The following ADAMTS20 variants were observed in gnomAD, a reference collection of about 807,000 sequenced individuals.
ADAMTS20 encodes A disintegrin and metalloproteinase with thrombospondin motifs 20.
In ADAMTS20, 225 loss-of-function variants were observed where a neutral mutation model predicts 260.1. The observed-to-expected ratio is 0.87, with a 90% CI of 0.78 to 0.97. The LOEUF is 0.97. Among genes scored for constraint, ADAMTS20 ranks in the 50% least tolerant of loss-of-function variants. The pLI, the probability that ADAMTS20 is intolerant of heterozygous loss-of-function variation, is 0.00. For missense variants in ADAMTS20, 2,400 were observed against 2,337.7 expected, an observed-to-expected ratio of 1.03 and a Z score of -0.55; for synonymous variants, 802 against 769.5, an observed-to-expected ratio of 1.04 and a Z score of -0.70.
intron 11 of ADAMTS20, among the ~76,000 whole-genome samples, chr12:43,457,938 G>A (rs1229261963): frequency 1.3e-5 from 2 of 152,140 alleles, no homozygotes; most frequent in African/African-American, 4.8e-5. Context: ...TCTCACAATG[G>A]CCTGTGTGAA....
At chr12:43,462,771 A>G (rs1157326251) in intron 11 of ADAMTS20, 124 bp downstream of exon 11, 3 of 695,858 alleles carry the variant, frequency 4.3e-6, no homozygotes, top group East Asian at 5.5e-5. Context: ...AAACATGGCA[A>G]TAACATTAAT....
chr12:43,403,788 C>T (rs1940859387), intron 28 of ADAMTS20, among the ~76,000 whole-genome samples: 1 of 152,030 alleles, frequency 6.6e-6, no homozygotes, highest in South Asian at 2.1e-4. Context: ...AAATGTCTCC[C>T]ATAAAGCAAA....
Position 43,428,495 on chromosome 12 carries a change from G to C in ADAMTS20, c.3691C>G (p.Gln1231Glu). 1.2e-6 allele frequency: 2 copies of C among 1,613,732 alleles called. No individual in the cohort carries two copies. The highest frequency in any genetic ancestry group is 1.3e-5 in the African/African-American group (1 of 75,038). The stretch of plus-strand genomic sequence containing the variant: ...TGATGGTAGTTCATGCATAAAACTT[G>C]TCGAGTTGTTTTTCCATGGCCACAG... Reference protein sequence around the residue: ...ASCGHGKTTRQVLCMNYHQPI... With the variant: ...ASCGHGKTTREVLCMNYHQPI... Residue 1231 changes from glutamine (Q) to glutamate (E), a missense_variant, in exon 26 of 39, where the codon CAA (glutamine) becomes GAA (glutamate). Gln to Glu is a conservative substitution (Grantham distance 29, BLOSUM62 2). Coordinates refer to ENST00000389420, the MANE Select transcript of ADAMTS20 (RefSeq NM_025003.5).
At chr12:43,427,575 A>T (rs1374114738) in intron 26 of ADAMTS20, 106 bp from the exon 27 acceptor site, 3 of 1,069,448 alleles carry the variant, frequency 2.8e-6, no homozygotes, top group East Asian at 5.7e-5. Context: ...ATCAAACCCT[A>T]CATTAGAATC....
chr12:43,512,252 G>A (rs1942935431), intron 3 of ADAMTS20, among the ~76,000 whole-genome samples: 1 of 148,886 alleles, frequency 6.7e-6, no homozygotes, highest in Non-Finnish European at 1.5e-5. Flanking sequence ...TATAAGGAAA[G>A]TGAGGAACAA....
intron 4 of ADAMTS20, among the ~76,000 whole-genome samples, chr12:43,501,324 T>C (rs1000555338): frequency 6.6e-6 from 1 of 151,996 alleles, no homozygotes; most frequent in East Asian, 1.9e-4. Context: ...CCTCCCAAAG[T>C]GCTGGGATTA....
At chr12:43,355,964 G>A (rs1939735182) in intron 38 of ADAMTS20, among the ~76,000 whole-genome samples, 1 of 151,930 alleles carries the variant, frequency 6.6e-6, no homozygotes, top group South Asian at 2.1e-4. Flanking sequence ...AGGAAAACAT[G>A]AGTACAACAT....
At chr12:43,493,068 T>C (rs2137431782) in intron 5 of ADAMTS20, 102 bp downstream of exon 5, 1 of 835,286 alleles carries the variant, frequency 1.2e-6, no homozygotes, top group East Asian at 2.7e-5. Flanking sequence ...TCTTTTAAAA[T>C]TTTAAAAATA....
intron 18 of ADAMTS20, among the ~76,000 whole-genome samples, chr12:43,434,790 G>A (rs1941517891): frequency 6.6e-6 from 1 of 152,130 alleles, no homozygotes; most frequent in Non-Finnish European, 1.5e-5. Flanking sequence ...CAATGTTATA[G>A]TAACTTCCTG....
rs577169195 is a variant in ADAMTS20 at position 43,400,630 on chromosome 12, C to T, written c.4285-1397G>A. 5.9e-5 allele frequency among the ~76,000 whole-genome samples: 9 copies of T among 151,828 alleles called. No homozygotes were observed. In the South Asian group the frequency reaches 1.9e-3, roughly 32 times the overall value. On this transcript the variant is annotated intron_variant, in intron 28 of 38. Coordinates refer to ENST00000389420, the MANE Select transcript of ADAMTS20 (RefSeq NM_025003.5). ...AGACCTACCTATATGCTTTACCGTT[C>T]CTGACCATGTTATCTTGGGCACTTA... is the stretch of plus-strand genomic sequence containing the variant.
At chr12:43,412,266 A>T (rs183323356) in intron 28 of ADAMTS20, among the ~76,000 whole-genome samples, 4 of 152,218 alleles carry the variant, frequency 2.6e-5, no homozygotes, top group Non-Finnish European at 5.9e-5. Context: ...GAAATGTAAG[A>T]TCTGATATAC....
At chr12:43,450,200 T>A (rs1461610674) in intron 14 of ADAMTS20, among the ~76,000 whole-genome samples, 1 of 152,134 alleles carries the variant, frequency 6.6e-6, no homozygotes, top group African/African-American at 2.4e-5. Context: ...AATGAATGAA[T>A]ATACAAGTAG....
At chr12:43,422,206 CTAA>C (rs1178901458) in intron 28 of ADAMTS20, among the ~76,000 whole-genome samples, 2 of 151,904 alleles carry the variant, frequency 1.3e-5, no homozygotes, top group Admixed American at 6.6e-5. Context: ...TTAAAGCTTT[CTAA>C]TAATATTTTA....
chr12:43,461,294 A>G (rs1017048260), intron 11 of ADAMTS20, among the ~76,000 whole-genome samples: 8 of 151,930 alleles, frequency 5.3e-5, no homozygotes, highest in South Asian at 4.2e-4. Context: ...CCCAGCCACA[A>G]CTGAACTTTT....
Position 43,421,282 on chromosome 12 carries a change from C to CAAAAAAAAAAA in ADAMTS20, c.4284+4221_4284+4231dup, listed in dbSNP as rs61465679. Among the ~76,000 whole-genome samples, 89 of 118,866 alleles carry CAAAAAAAAAAA rather than the reference C, an allele frequency of 7.5e-4. 1 individual carries two copies. Among genetic ancestry groups the CAAAAAAAAAAA allele is most frequent in the South Asian group, 3.5e-3 (13 of 3,702 alleles). The allele number at this position is 118,866 out of a possible 152,430, so 78.0% of individuals were successfully genotyped here. A position where few individuals can be genotyped will look rare whatever the true frequency, so the allele number is the denominator to read the frequency against. ...GGTTCAAGTAGCAAGCTTTCATTTA[C>CAAAAAAAAAAA]AAAAAAAAAAAAAAAACTTTCTCTT... On this transcript the variant is annotated intron_variant, in intron 28 of 38. Transcript: ENST00000389420.
chr12:43,386,540 A>G (rs1394209043), intron 29 of ADAMTS20, among the ~76,000 whole-genome samples: 1 of 152,142 alleles, frequency 6.6e-6, no homozygotes, highest in Admixed American at 6.5e-5. Context: ...CTGTCTTACT[A>G]GGTTGGGGAC....
chr12:43,529,325 T>C (rs1454110069), intron 3 of ADAMTS20, among the ~76,000 whole-genome samples: 1 of 152,068 alleles, frequency 6.6e-6, no homozygotes, highest in Non-Finnish European at 1.5e-5. Context: ...GGAAAAGAAA[T>C]CATTATATGA....
At chr12:43,488,185 T>G (rs550583653) in intron 7 of ADAMTS20, among the ~76,000 whole-genome samples, 6 of 152,128 alleles carry the variant, frequency 3.9e-5, no homozygotes, top group Non-Finnish European at 7.4e-5. Context: ...AAAAGTAATG[T>G]TTAGATGAAA....
At position 43,437,687 on chromosome 12, in the gene ADAMTS20, C is replaced by T. The variant is rs529442536; in HGVS notation, c.2593+1935G>A. Reference sequence around the variant, plus strand: ...AAAGGTCTCAAAAATATTCTCTTCTCAAGAAAATACTGAGGGATATGTTCC... The same window carrying T: ...AAAGGTCTCAAAAATATTCTCTTCTTAAGAAAATACTGAGGGATATGTTCC... On this transcript the variant is annotated intron_variant, in intron 18 of 38. Coordinates refer to ENST00000389420, the MANE Select transcript of ADAMTS20 (RefSeq NM_025003.5). Among the ~76,000 whole-genome samples the T allele has an allele frequency of 2.0e-4, 30 of 152,156 alleles. No homozygotes were observed. In the East Asian group the frequency reaches 5.8e-3, roughly 29 times the overall value.
Sources: gnomAD v4.1 joint callset for allele counts (sites outside exome capture counted in the v4.1 genomes callset) on GRCh38, gnomAD v4.1.1 for gene constraint, MANE v1.5 for transcripts, NCBI Gene and HGNC (gene_info 2026-07-23, HGNC 2026-07-21) for gene names.